FLNB: variants seen among roughly 807,000 people sequenced by gnomAD.
The protein encoded by FLNB is filamin B, also known as filamin-B.
In FLNB, 111 loss-of-function variants were observed where a neutral mutation model predicts 250.6. That is an observed-to-expected ratio of 0.44 (90% CI 0.38 to 0.52). The LOEUF is 0.52. Ranked by LOEUF, FLNB falls within the 20% of genes least tolerant of loss-of-function variation. The probability of loss-of-function intolerance (pLI) is 0.00; values close to 1 mark genes in which losing one functional copy is unlikely to be tolerated. For missense variants in FLNB, 2,869 were observed against 3,447.8 expected, an observed-to-expected ratio of 0.83 and a Z score of 4.20; for synonymous variants, 1,302 against 1,372.1, an observed-to-expected ratio of 0.95 and a Z score of 1.13.
In FLNB at chr3:58,148,525, G is replaced by A. The variant is rs1355807631; in HGVS notation, c.5888-124G>A. Reference sequence around the variant, plus strand: ...ATGCCCAAGCGTATTTGTGCATTGTGATATCGACACTCTGGATTGTTGGGT... The same window carrying A: ...ATGCCCAAGCGTATTTGTGCATTGTAATATCGACACTCTGGATTGTTGGGT... On this transcript the variant is annotated intron_variant, in intron 35 of 45. Transcript: ENST00000295956. 3 of 1,212,194 alleles carry A rather than the reference G, an allele frequency of 2.5e-6. No individual in the cohort carries two copies. In the East Asian group the frequency reaches 7.4e-5, roughly 30 times the overall value. The allele number at this position is 1,212,194 out of a possible 1,614,324, so 75.1% of individuals were successfully genotyped here.
chr3:58,018,479 C>T (rs552992233), intron 1 of FLNB, among the ~76,000 whole-genome samples: 3 of 151,288 alleles, frequency 2.0e-5, no homozygotes, highest in Non-Finnish European at 2.9e-5. Flanking sequence ...GGATTACAGG[C>T]GCCTGCCACC....
chr3:58,100,414 G>C (rs1025169280), intron 8 of FLNB, among the ~76,000 whole-genome samples: 4 of 117,822 alleles, frequency 3.4e-5, no homozygotes, highest in African/African-American at 1.0e-4. Flanking sequence ...AAGGATACAG[G>C]GTCTCACTCT....
At chr3:58,043,951 G>C (rs1339135170) in intron 1 of FLNB, among the ~76,000 whole-genome samples, 1 of 152,166 alleles carries the variant, frequency 6.6e-6, no homozygotes, top group Non-Finnish European at 1.5e-5. Context: ...AAATCAGAAA[G>C]CCATGGTTTC....
rs548593015 is a variant in FLNB at position 58,169,595 on chromosome 3, C to A, written c.7423C>A (p.Arg2475Ser). 1 of 1,613,098 alleles carries A rather than the reference C, an allele frequency of 6.2e-7. No individual in the cohort carries two copies. Among genetic ancestry groups the A allele is most frequent in the Non-Finnish European group, 8.5e-7 (1 of 1,179,074 alleles). ...SPFKAKVTGQRLVSPGSANET... is the reference protein window; with the variant it reads ...SPFKAKVTGQSLVSPGSANET... ...CCCTCCCTCCTGTATCTTAGGCCAG[C>A]GTCTAGTTAGCCCTGGCTCAGCCAA... Residue 2475 changes from arginine (R) to serine (S), a missense_variant, in exon 45 of 46, where the codon CGT becomes AGT. Transcript: ENST00000295956. This position sits in a 1 kb window ranked among gnomAD's most constrained non-coding sequence, Gnocchi z 4.8.
rs555358760 is a variant in FLNB at position 58,132,786 on chromosome 3, A to C, written c.4391-22A>C. ...AAAGGTGAGGCCAGGCAGCTCCTTA[A>C]ACCTCTCATCTCTGTCCTCAGGCTT... On this transcript the variant is annotated intron_variant, in intron 25 of 45. Transcript: ENST00000295956. 1.9e-6 allele frequency: 3 copies of C among 1,614,060 alleles called. No individual in the cohort carries two copies. The African/African-American group carries it at 4.0e-5, about 22-fold the overall frequency.
intron 1 of FLNB, among the ~76,000 whole-genome samples, chr3:58,063,490 C>CA (rs2097181344): frequency 6.6e-6 from 1 of 152,180 alleles, no homozygotes; most frequent in Non-Finnish European, 1.5e-5. Flanking sequence ...AGACAGGGCA[C>CA]AGGGAGGAGC....
chr3:58,169,819 T>A lies in FLNB; in HGVS notation c.7621+26T>A, dbSNP rs780860529. On this transcript the variant is annotated intron_variant, in intron 45 of 45. Coordinates refer to ENST00000295956, the MANE Select transcript of FLNB (RefSeq NM_001457.4). This position sits in a 1 kb window ranked among gnomAD's most constrained non-coding sequence, Gnocchi z 4.8. ...GTAGGTGTCTGGGCCTTTTCAAGGG[T>A]GGGGTGGGGCAGGGGCAGGCTGGGC... is the stretch of plus-strand genomic sequence containing the variant. 2.8e-5 allele frequency: 21 copies of A among 762,850 alleles called. No homozygotes were observed. Among genetic ancestry groups the A allele is most frequent in the Non-Finnish European group, 4.6e-5 (21 of 459,002 alleles). The allele number at this position is 762,850 out of a possible 1,614,324, so 47.3% of individuals were successfully genotyped here. A position where few individuals can be genotyped will look rare whatever the true frequency, so the allele number is the denominator to read the frequency against.
intron 1 of FLNB, among the ~76,000 whole-genome samples, chr3:58,066,609 A>G (rs1447318998): frequency 6.6e-6 from 1 of 152,214 alleles, no homozygotes; most frequent in East Asian, 1.9e-4. Context: ...AAGTGGTAAG[A>G]TAGTTACTGT....
At chr3:58,022,434 C>CA (rs1246204618) in intron 1 of FLNB, among the ~76,000 whole-genome samples, 1 of 152,214 alleles carries the variant, frequency 6.6e-6, no homozygotes, top group African/African-American at 2.4e-5. Context: ...CATGTTCATT[C>CA]TCTGGACATC....
chr3:58,140,196 G>A (rs758244785), intron 29 of FLNB, among the ~76,000 whole-genome samples: 10 of 152,252 alleles, frequency 6.6e-5, no homozygotes, highest in Admixed American at 2.6e-4. Flanking sequence ...AAAGGACACC[G>A]ACCAGCACTG....
intron 1 of FLNB, among the ~76,000 whole-genome samples, chr3:58,015,786 C>T (rs528979678): frequency 8.7e-4 from 133 of 152,308 alleles, no homozygotes; most frequent in African/African-American, 3.1e-3. Context: ...ATCTAGGTGC[C>T]AAGCCCTCTG....
chr3:58,109,835 T>C (rs892031767), intron 15 of FLNB, 136 bp downstream of exon 15: 1 of 1,399,268 alleles, frequency 7.1e-7, no homozygotes, highest in Admixed American at 1.7e-5. Context: ...TCTGAGTCAT[T>C]CCTTAGTGAT....
At chr3:58,143,248 C>G (rs748502140) in intron 31 of FLNB, among the ~76,000 whole-genome samples, 6 of 151,470 alleles carry the variant, frequency 4.0e-5, no homozygotes, top group Non-Finnish European at 7.4e-5. Context: ...GTAGAAAACT[C>G]TTTAAGAGTT....
chr3:58,156,137 C>A, intron 41 of FLNB, 62 bp downstream of exon 41: 2 of 1,272,446 alleles, frequency 1.6e-6, no homozygotes, highest in South Asian at 2.4e-5. Context: ...CCCTGGACTC[C>A]TGAGGCTGCT....
At chr3:58,137,494 C>T (rs185910577) in intron 28 of FLNB, among the ~76,000 whole-genome samples, 1 of 152,386 alleles carries the variant, frequency 6.6e-6, no homozygotes, top group Non-Finnish European at 1.5e-5. Flanking sequence ...GGGTCTTCCA[C>T]AGATTGACTC....
intron 1 of FLNB, among the ~76,000 whole-genome samples, chr3:58,070,008 C>T (rs1049649280): frequency 1.3e-5 from 2 of 149,750 alleles, no homozygotes; most frequent in South Asian, 2.1e-4. Context: ...CATTATTAAG[C>T]GGCCAACTGT....
intron 1 of FLNB, among the ~76,000 whole-genome samples, chr3:58,060,443 C>A (rs1043327571): frequency 6.6e-6 from 1 of 151,440 alleles, no homozygotes; most frequent in Non-Finnish European, 1.5e-5. Context: ...AACCTTCACC[C>A]CCAGGTTCAA....
At chr3:58,125,867 G>C (rs928181318) in intron 23 of FLNB, 124 bp downstream of exon 23, 14 of 930,896 alleles carry the variant, frequency 1.5e-5, no homozygotes, top group Non-Finnish European at 2.2e-5. Context: ...ATTTCCTTCT[G>C]TAGAGACTTA....
intron 1 of FLNB, among the ~76,000 whole-genome samples, chr3:58,074,022 T>C (rs2097198349): frequency 6.6e-6 from 1 of 152,190 alleles, no homozygotes. Flanking sequence ...ATGGGAGTAA[T>C]AGCCCGTCAC....
Sources: allele counts gnomAD v4.1 joint callset (sites outside exome capture counted in the v4.1 genomes callset), GRCh38; gene constraint gnomAD v4.1.1; non-coding constraint Gnocchi (gnomAD v3.1); transcripts MANE v1.5; gene names NCBI Gene and HGNC (gene_info 2026-07-23, HGNC 2026-07-21).